Variants in PRH1 observed in about 807,000 individuals in gnomAD.
PRH1 encodes the protein salivary acidic proline-rich phosphoprotein 1/2.
Under a neutral mutation model 7.9 loss-of-function variants are expected in PRH1, and 7 were observed. The observed-to-expected ratio is 0.89, with a 90% CI of 0.50 to 1.67. PRH1 has a LOEUF of 1.67. PRH1 is among the 40% of genes most tolerant of loss of function. The pLI, the probability that PRH1 is intolerant of heterozygous loss-of-function variation, is 0.00. For missense variants in PRH1, 109 were observed against 223.6 expected, an observed-to-expected ratio of 0.49 and a Z score of 3.27; for synonymous variants, 45 against 80.8, an observed-to-expected ratio of 0.56 and a Z score of 2.38.
chr12:10,974,303 A>G (rs1265658749), intron 1 of PRH1, among the ~76,000 whole-genome samples: 2 of 152,200 alleles, frequency 1.3e-5, no homozygotes, highest in Admixed American at 1.3e-4. Context: ...CTGCCACACT[A>G]CTGATGCTGC....
At chr12:10,928,822 TGA>T (rs1950159121) in intron 2 of PRH1, among the ~76,000 whole-genome samples, 1 of 152,208 alleles carries the variant, frequency 6.6e-6, no homozygotes, top group African/African-American at 2.4e-5. Flanking sequence ...TCAGACATAT[TGA>T]CCGTCTTCAC....
chr12:10,964,007 G>A (rs563551398), intron 2 of PRH1, among the ~76,000 whole-genome samples: 19 of 152,272 alleles, frequency 1.2e-4, no homozygotes, highest in African/African-American at 3.9e-4. Flanking sequence ...TGGTACATAC[G>A]TATGGTACAA....
intron 1 of PRH1, among the ~76,000 whole-genome samples, chr12:11,017,376 A>G (rs1191899354): frequency 6.6e-6 from 1 of 152,206 alleles, no homozygotes; most frequent in Non-Finnish European, 1.5e-5. Flanking sequence ...ATAGAAATAA[A>G]ATATCAGAAG....
chr12:11,023,442 A>G (rs892724215), intron 1 of PRH1, among the ~76,000 whole-genome samples: 2 of 151,782 alleles, frequency 1.3e-5, no homozygotes, highest in African/African-American at 2.4e-5. Flanking sequence ...TTTTGTTTAA[A>G]CATTAATTAT....
At chr12:10,956,321 C>G (rs1937954810) in intron 2 of PRH1, among the ~76,000 whole-genome samples, 1 of 152,034 alleles carries the variant, frequency 6.6e-6, no homozygotes, top group East Asian at 1.9e-4. Flanking sequence ...TAACAAAAAC[C>G]ACATTACTAT....
At chr12:10,909,978 C>T (rs1949871544) in intron 2 of PRH1, among the ~76,000 whole-genome samples, 2 of 152,178 alleles carry the variant, frequency 1.3e-5, no homozygotes, top group African/African-American at 2.4e-5. Context: ...AATGCCTTCA[C>T]ATTTTATCCG....
At chr12:10,951,029 C>A (rs1291565207) in intron 2 of PRH1, among the ~76,000 whole-genome samples, 1 of 152,036 alleles carries the variant, frequency 6.6e-6, no homozygotes, top group Admixed American at 6.6e-5. Context: ...ATTCTGGGAC[C>A]AATGTCAAAT....
chr12:11,105,070 G>A (rs775726892), intron 1 of PRH1, among the ~76,000 whole-genome samples: 10 of 151,672 alleles, frequency 6.6e-5, no homozygotes, highest in Non-Finnish European at 1.2e-4. Flanking sequence ...ATAAGTAACT[G>A]TAATTATACT....
In PRH1 at chr12:10,908,973, A is replaced by G. The variant is rs202178459; in HGVS notation, c.-58-24698T>C. On this transcript the variant is annotated intron_variant, in intron 2 of 3. Transcript: ENST00000539853. ...AGGGCTAGAGAAACTCGCTATTTTG[A>G]GCAAATAAAAGATGCTGAAGATTGT... 2 of 1,613,748 alleles carry G rather than the reference A, an allele frequency of 1.2e-6. 1 individual carries two copies.
At chr12:10,927,634 A>T (rs751183411) in intron 2 of PRH1, among the ~76,000 whole-genome samples, 2 of 152,190 alleles carry the variant, frequency 1.3e-5, no homozygotes, top group African/African-American at 2.4e-5. Flanking sequence ...TTGTTTTGTT[A>T]TCTGCAACTC....
At chr12:11,150,085 G>A (rs1479164682) in intron 1 of PRH1, among the ~76,000 whole-genome samples, 1 of 150,232 alleles carries the variant, frequency 6.7e-6, no homozygotes, top group Admixed American at 6.7e-5. Flanking sequence ...ATCATCACTG[G>A]CCATCAGAGA....
chr12:11,060,759 T>C (rs924702627), intron 1 of PRH1, among the ~76,000 whole-genome samples: 1 of 152,186 alleles, frequency 6.6e-6, no homozygotes, highest in African/African-American at 2.4e-5. Context: ...TCAAATTTTA[T>C]TGTGTGCATT....
At chr12:11,043,533 A>G (rs533764743) in intron 1 of PRH1, among the ~76,000 whole-genome samples, 2 of 152,328 alleles carry the variant, frequency 1.3e-5, no homozygotes, top group East Asian at 3.9e-4. Context: ...ATGATCTTAT[A>G]TTTATAAAAC....
intron 1 of PRH1, chr12:11,061,250 A>C: frequency 6.9e-7 from 1 of 1,451,098 alleles, no homozygotes; most frequent in African/African-American, 1.4e-5. Context: ...TTCTAGGTAC[A>C]TGCTTGAAAG....
intron 1 of PRH1, among the ~76,000 whole-genome samples, chr12:11,098,431 G>A (rs2600333): frequency 0.46 from 69,067 of 151,728 alleles, 16,521 homozygotes; most frequent in Non-Finnish European, 0.53. Flanking sequence ...GTTACAGGCT[G>A]GAATTATTCA....
intron 2 of PRH1, among the ~76,000 whole-genome samples, chr12:10,910,190 A>C (rs1299435705): frequency 1.3e-5 from 2 of 152,208 alleles, no homozygotes; most frequent in Non-Finnish European, 2.9e-5. Context: ...CTAAAACAGC[A>C]GATAGTACCA....
At chr12:10,883,174 G>T (rs1949435892) in intron 1 of PRH1, 78 bp from the exon 2 acceptor site, 3 of 1,506,830 alleles carry the variant, frequency 2.0e-6, no homozygotes, top group Admixed American at 1.7e-5. Context: ...CGAGGATAAA[G>T]GACCTCTGAT....
chr12:11,026,657 G>A (rs149725877), intron 1 of PRH1, among the ~76,000 whole-genome samples: 457 of 152,174 alleles, frequency 3.0e-3, no homozygotes, highest in Non-Finnish European at 4.9e-3. Flanking sequence ...TCTATAAGCC[G>A]ATTCACTAAA....
intron 1 of PRH1, among the ~76,000 whole-genome samples, chr12:11,004,218 G>A (rs117983982): frequency 0.015 from 2,309 of 152,206 alleles, 19 homozygotes; most frequent in South Asian, 0.031. Context: ...AACTTGGCCA[G>A]GCACGGTGGC....
Sources: gnomAD v4.1 joint callset for allele counts (sites outside exome capture counted in the v4.1 genomes callset) on GRCh38, gnomAD v4.1.1 for gene constraint, MANE v1.5 for transcripts, NCBI Gene and HGNC (gene_info 2026-07-23, HGNC 2026-07-21) for gene names.